The following NID1 variants were observed in gnomAD, a reference collection of about 807,000 sequenced individuals.
The protein encoded by NID1 is nidogen 1, also known as nidogen-1.
In NID1, 76 loss-of-function variants were observed where a neutral mutation model predicts 130.6. The observed-to-expected ratio is 0.58, with a 90% CI of 0.48 to 0.70. NID1 has a LOEUF of 0.70. Among genes scored for constraint, NID1 ranks in the 30% least tolerant of loss-of-function variants. The pLI, the probability that NID1 is intolerant of heterozygous loss-of-function variation, is 0.00. For synonymous variants in NID1, 665 were observed against 675.1 expected (o/e 0.98, Z 0.23); for missense variants, 1,517 against 1,664.8 (o/e 0.91, Z 1.54).
At chr1:236,002,784 C>T (rs549493623) in intron 12 of NID1, among the ~76,000 whole-genome samples, 1 of 152,130 alleles carries the variant, frequency 6.6e-6, no homozygotes, top group Non-Finnish European at 1.5e-5. Context: ...GGAAACGAGG[C>T]CATGTGAGAG....
chr1:236,036,684 T>G, intron 5 of NID1, among the ~76,000 whole-genome samples: 1 of 152,178 alleles, frequency 6.6e-6, no homozygotes, highest in East Asian at 1.9e-4. Flanking sequence ...CCCTGAAGAA[T>G]GAATTAATGC....
intron 12 of NID1, among the ~76,000 whole-genome samples, chr1:235,995,308 T>C (rs879913664): frequency 6.6e-6 from 1 of 152,178 alleles, no homozygotes; most frequent in Non-Finnish European, 1.5e-5. Context: ...AGGGTGTGCA[T>C]AGGTTATATG....
intron 3 of NID1, among the ~76,000 whole-genome samples, chr1:236,042,631 T>C (rs1659488789): frequency 6.6e-6 from 1 of 152,232 alleles, no homozygotes; most frequent in African/African-American, 2.4e-5. Flanking sequence ...CTAAGGTGGC[T>C]CATAGGACTG....
intron 15 of NID1, among the ~76,000 whole-genome samples, chr1:235,983,240 C>T (rs1257081032): frequency 4.6e-5 from 7 of 152,154 alleles, no homozygotes; most frequent in Non-Finnish European, 7.3e-5. Context: ...CATTAGCCTT[C>T]GCCAGAGCCC....
chr1:235,999,841 A>G (rs1295828791), intron 12 of NID1, among the ~76,000 whole-genome samples: 1 of 152,192 alleles, frequency 6.6e-6, no homozygotes, highest in Non-Finnish European at 1.5e-5. Flanking sequence ...AAGTCAACCT[A>G]TGAAACTACT....
Position 235,985,359 on chromosome 1 carries a change from A to C in NID1, c.3055+20T>G. ...GCTAGAAGCAAAACCAAAAAGGAAA[A>C]ATGATATTTGCTTACTTACCTTGTC... On this transcript the variant is annotated intron_variant, in intron 15 of 19. Coordinates refer to ENST00000264187, the MANE Select transcript of NID1 (RefSeq NM_002508.3). 5.0e-6 allele frequency: 8 copies of C among 1,613,850 alleles called. No individual in the cohort carries two copies. The highest frequency in any genetic ancestry group is 6.8e-6 in the Non-Finnish European group (8 of 1,179,836).
chr1:236,049,806 G>C (rs906659823), intron 1 of NID1, among the ~76,000 whole-genome samples: 1 of 152,034 alleles, frequency 6.6e-6, no homozygotes, highest in Non-Finnish European at 1.5e-5. Flanking sequence ...TTGGGAGGCC[G>C]AGGTGGGCAG....
intron 12 of NID1, among the ~76,000 whole-genome samples, chr1:236,010,159 A>G (rs903814214): frequency 6.6e-6 from 1 of 152,194 alleles, no homozygotes; most frequent in Non-Finnish European, 1.5e-5. Flanking sequence ...ACTCTTCTCT[A>G]TGTAACCTGC....
rs375410959 is a variant in NID1 at position 236,004,595 on chromosome 1, TA to T, written c.2527+7325del. On this transcript the variant is annotated intron_variant, in intron 12 of 19. Transcript: ENST00000264187. The stretch of plus-strand genomic sequence containing the variant: ...GGCTAACACGGTGAAACCCTGTCTC[TA>T]CTAAAAATACAAAAAATTAGCCAGG... Among the ~76,000 whole-genome samples the T allele has an allele frequency of 7.8e-3, 1,179 of 151,724 alleles. 10 individuals carry two copies. The highest frequency in any genetic ancestry group is 0.026 in the African/African-American group (1,082 of 41,368).
intron 1 of NID1, among the ~76,000 whole-genome samples, chr1:236,051,416 G>T (rs995724220): frequency 9.9e-5 from 15 of 152,278 alleles, no homozygotes; most frequent in East Asian, 3.9e-4. Flanking sequence ...TAATAAAAAG[G>T]TTCAATGTGC....
chr1:236,008,063 C>A (rs949897741), intron 12 of NID1, among the ~76,000 whole-genome samples: 17 of 152,184 alleles, frequency 1.1e-4, no homozygotes, highest in African/African-American at 4.1e-4. Flanking sequence ...CTCACCCATG[C>A]ACATACACAA....
At chr1:235,984,168 C>T (rs533455604) in intron 15 of NID1, among the ~76,000 whole-genome samples, 1 of 152,238 alleles carries the variant, frequency 6.6e-6, no homozygotes, top group Admixed American at 6.5e-5. Context: ...GACCTATTCC[C>T]CTCTTCCACT....
chr1:235,994,427 G>T (rs1444951366), intron 12 of NID1, among the ~76,000 whole-genome samples: 1 of 152,352 alleles, frequency 6.6e-6, no homozygotes, highest in Non-Finnish European at 1.5e-5. Flanking sequence ...CTCCCAAAGT[G>T]CTGGGATTAC....
Position 236,045,783 on chromosome 1 carries a change from G to A in NID1, c.526-100C>T, listed in dbSNP as rs61333528. The A allele has an allele frequency of 5.1e-3, 4,341 of 848,514 alleles. 108 individuals carry two copies. In the African/African-American group the frequency reaches 0.063, roughly 12 times the overall value. The allele number at this position is 848,514 out of a possible 1,614,324, so 52.6% of individuals were successfully genotyped here. A position where few individuals can be genotyped will look rare whatever the true frequency, so the allele number is the denominator to read the frequency against. ...TCTATAAAGCGTACAGTGCTATAGA[G>A]CGATGGCAATATTCTCACCTTATTC... On this transcript the variant is annotated intron_variant, in intron 2 of 19. Coordinates refer to ENST00000264187, the MANE Select transcript of NID1 (RefSeq NM_002508.3).
At chr1:236,041,377 T>TA (rs1201742356) in intron 4 of NID1, among the ~76,000 whole-genome samples, 2 of 152,066 alleles carry the variant, frequency 1.3e-5, no homozygotes, top group Non-Finnish European at 2.9e-5. Flanking sequence ...TATTTTTTTT[T>TA]AAAGAGTATC....
At chr1:236,032,371 C>T (rs1355280674) in intron 6 of NID1, 30 bp downstream of exon 6, 1 of 1,608,434 alleles carries the variant, frequency 6.2e-7, no homozygotes, top group Non-Finnish European at 8.5e-7. Flanking sequence ...ACTGTGTGAC[C>T]CACTAATTTT....
chr1:236,033,182 C>T (rs770201179), intron 5 of NID1, among the ~76,000 whole-genome samples: 2 of 152,156 alleles, frequency 1.3e-5, no homozygotes, highest in African/African-American at 2.4e-5. Context: ...ATGGCGGGTG[C>T]CTGTAGTCCC....
intron 7 of NID1, among the ~76,000 whole-genome samples, chr1:236,026,476 G>A (rs540881488): frequency 3.2e-4 from 49 of 152,118 alleles, no homozygotes; most frequent in African/African-American, 8.9e-4. Flanking sequence ...GGAAAGAGAC[G>A]CCCCTGAATT....
chr1:235,992,913 G>A (rs576315067), intron 13 of NID1, among the ~76,000 whole-genome samples: 77 of 152,242 alleles, frequency 5.1e-4, no homozygotes, highest in South Asian at 2.9e-3. Context: ...CATTTGCAAC[G>A]GAAGGAGAAT....
Sources: gnomAD v4.1 joint callset for allele counts (sites outside exome capture counted in the v4.1 genomes callset) on GRCh38, gnomAD v4.1.1 for gene constraint, MANE v1.5 for transcripts, NCBI Gene and HGNC (gene_info 2026-07-23, HGNC 2026-07-21) for gene names.